Variants in MLLT1 observed in about 807,000 individuals in gnomAD.
MLLT1 encodes the protein protein ENL.
In MLLT1, 11 loss-of-function variants were observed where a neutral mutation model predicts 55.1. The ratio of observed to expected loss-of-function variants is 0.20; its 90% CI spans 0.13 to 0.33. MLLT1 has a LOEUF of 0.33. Ranked by LOEUF, MLLT1 falls within the 10% of genes least tolerant of loss-of-function variation. The pLI, the probability that MLLT1 is intolerant of heterozygous loss-of-function variation, is 1.00. For missense variants in MLLT1, 536 were observed against 760.6 expected, an observed-to-expected ratio of 0.70 and a Z score of 3.47; for synonymous variants, 323 against 320.1, an observed-to-expected ratio of 1.01 and a Z score of -0.10.
chr19:6,265,426 T>G (rs1009733789), intron 2 of MLLT1, among the ~76,000 whole-genome samples: 22 of 152,076 alleles, frequency 1.4e-4, no homozygotes, highest in African/African-American at 5.3e-4. Context: ...ATCCCAGTAC[T>G]TTGGGAGGCT....
chr19:6,239,431 AG>A (rs2091094421), intron 3 of MLLT1, among the ~76,000 whole-genome samples: 1 of 152,210 alleles, frequency 6.6e-6, no homozygotes. Context: ...CACAAATGCC[AG>A]GGAACACGAC....
rs1013250698 is a variant in MLLT1, at chr19:6,227,347, C to T, written c.421-245G>A. On this transcript the variant is annotated intron_variant, in intron 4 of 11. Coordinates refer to ENST00000252674, the MANE Select transcript of MLLT1 (RefSeq NM_005934.4). This position sits in a 1 kb window ranked among gnomAD's most constrained non-coding sequence, Gnocchi z 5.1. ...GGATGGCTGGGACCAGGTGGGGCCA[C>T]GCGGCCTTCCGGGAACAGTGGACCG... is the stretch of plus-strand genomic sequence containing the variant. Among the ~76,000 whole-genome samples, 4 of 152,180 alleles carry T rather than the reference C, an allele frequency of 2.6e-5. No individual in the cohort carries two copies. The highest frequency in any genetic ancestry group is 9.7e-5 in the African/African-American group (4 of 41,444).
chr19:6,278,137 G>A (rs967072352), intron 1 of MLLT1, among the ~76,000 whole-genome samples: 2 of 152,182 alleles, frequency 1.3e-5, no homozygotes, highest in African/African-American at 4.8e-5. Context: ...AGCCAGGGAC[G>A]CCCCAACCTG....
intron 1 of MLLT1, among the ~76,000 whole-genome samples, chr19:6,271,745 C>T (rs1299855117): frequency 1.3e-5 from 2 of 152,358 alleles, no homozygotes; most frequent in Middle Eastern, 3.4e-3. Context: ...AGCAGCCAAG[C>T]GCACACTTGC....
chr19:6,270,714 G>A lies in MLLT1; in HGVS notation c.58C>T (p.Arg20Cys). ...RLELGHRAQL[R>C]KKPTTEGFTH... is the part of the protein sequence containing the mutation. ...AACCCCTCCGTGGTGGGCTTCTTGC[G>A]CAGTTGGGCGCGATGCCCCAGCTCT... Residue 20 changes from arginine to cysteine, a missense_variant, in exon 2 of 12, where the codon CGC becomes TGC. Arg to Cys is a radical substitution (Grantham distance 180). Transcript: ENST00000252674. This position sits in a 1 kb window ranked among gnomAD's most constrained non-coding sequence, Gnocchi z 7.1. 2.5e-6 allele frequency: 4 copies of A among 1,613,804 alleles called. No individual in the cohort carries two copies. Among genetic ancestry groups the A allele is most frequent in the South Asian group, 1.1e-5 (1 of 91,058 alleles).
chr19:6,229,449 C>G lies in MLLT1; in HGVS notation c.420+1121G>C, dbSNP rs1183651168. On this transcript the variant is annotated intron_variant, in intron 4 of 11. Coordinates refer to ENST00000252674, the MANE Select transcript of MLLT1 (RefSeq NM_005934.4). This position sits in a 1 kb window ranked among gnomAD's most constrained non-coding sequence, Gnocchi z 5.2. ...GAAGGAGGACTCCCCAGCCTGACAC[C>G]CACAGCCACGGTGCCCCAAATCCAC... Among the ~76,000 whole-genome samples the G allele has an allele frequency of 6.6e-6, 1 of 152,018 alleles. No individual in the cohort carries two copies. The highest frequency in any genetic ancestry group is 1.5e-5 in the Non-Finnish European group (1 of 67,976).
Position 6,231,455 on chromosome 19 carries a change from T to G in MLLT1, c.277-742A>C, listed in dbSNP as rs994757460. Among the ~76,000 whole-genome samples the G allele has an allele frequency of 6.6e-6, 1 of 151,876 alleles. No individual in the cohort carries two copies. Among genetic ancestry groups the G allele is most frequent in the Non-Finnish European group, 1.5e-5 (1 of 67,990 alleles). On this transcript the variant is annotated intron_variant, in intron 3 of 11. Coordinates refer to ENST00000252674, the MANE Select transcript of MLLT1 (RefSeq NM_005934.4). This position sits in a 1 kb window ranked among gnomAD's most constrained non-coding sequence, Gnocchi z 5.1. The stretch of plus-strand genomic sequence containing the variant: ...AAGGAGCTGTCTGCACGGGCTCCTG[T>G]GGAGGCCTAGCCACATGTGCAGGGG...
Position 6,262,391 on chromosome 19 carries a change from C to G in MLLT1, c.194-81G>C. 1.7e-6 allele frequency: 2 copies of G among 1,193,926 alleles called. No individual in the cohort carries two copies. The highest frequency in any genetic ancestry group is 1.3e-5 in the South Asian group (1 of 79,508). The allele number at this position is 1,193,926 out of a possible 1,614,324, so 74.0% of individuals were successfully genotyped here. A position where few individuals can be genotyped will look rare whatever the true frequency, so the allele number is the denominator to read the frequency against. ...CTGCCAGCGGCAGTACCGCACCCCT[C>G]AACCCCACCACCTCCTCACAGGGGC... On this transcript the variant is annotated intron_variant, in intron 2 of 11. Coordinates refer to ENST00000252674, the MANE Select transcript of MLLT1 (RefSeq NM_005934.4). The surrounding 1 kb of genome is among the most constrained non-coding windows in gnomAD (Gnocchi z 4.4).
intron 5 of MLLT1, among the ~76,000 whole-genome samples, chr19:6,223,857 C>A (rs1430600077): frequency 6.6e-6 from 1 of 152,186 alleles, no homozygotes; most frequent in African/African-American, 2.4e-5. Context: ...AGGGGCTCCA[C>A]CCTTGCTAGG....
Position 6,262,589 on chromosome 19 carries a change from C to T in MLLT1, c.194-279G>A, listed in dbSNP as rs1180393964. 6.6e-6 allele frequency among the ~76,000 whole-genome samples: 1 copy of T among 152,202 alleles called. No homozygotes were observed. The highest frequency in any genetic ancestry group is 1.5e-5 in the Non-Finnish European group (1 of 68,026). On this transcript the variant is annotated intron_variant, in intron 2 of 11. Coordinates refer to ENST00000252674, the MANE Select transcript of MLLT1 (RefSeq NM_005934.4). The surrounding 1 kb of genome is among the most constrained non-coding windows in gnomAD (Gnocchi z 4.4). ...GGAACGTTAGCCTGTCATCGGGATA[C>T]TTGCTCCTGCAGAGGATGAGGAGGC...
chr19:6,260,576 G>A (rs1420922771), intron 3 of MLLT1, among the ~76,000 whole-genome samples: 1 of 152,274 alleles, frequency 6.6e-6, no homozygotes, highest in Non-Finnish European at 1.5e-5. Flanking sequence ...GCGGAGCCAG[G>A]CAGCAGCCGG....
rs111371892 is a variant in MLLT1 at position 6,264,398 on chromosome 19, C to T, written c.194-2088G>A. 2.5e-3 allele frequency among the ~76,000 whole-genome samples: 379 copies of T among 152,154 alleles called. 2 individuals carry two copies. The highest frequency in any genetic ancestry group is 8.7e-3 in the African/African-American group (363 of 41,486). ...TTACTCATTAGGAAATCAGGAGGCCCGTGAGCCTTCAGGCCTGTGGATAGG... is the reference window on the plus strand; with the variant it reads ...TTACTCATTAGGAAATCAGGAGGCCTGTGAGCCTTCAGGCCTGTGGATAGG... On this transcript the variant is annotated intron_variant, in intron 2 of 11. Coordinates refer to ENST00000252674, the MANE Select transcript of MLLT1 (RefSeq NM_005934.4).
At chr19:6,220,598 G>A (rs73555966) in intron 6 of MLLT1, among the ~76,000 whole-genome samples, 2,130 of 152,366 alleles carry the variant, frequency 0.014, 61 homozygotes, top group African/African-American at 0.046. Context: ...GGGCCAGGCC[G>A]GGTGAGCAGA....
At chr19:6,258,779 G>A (rs570528793) in intron 3 of MLLT1, among the ~76,000 whole-genome samples, 52 of 152,248 alleles carry the variant, frequency 3.4e-4, no homozygotes, top group Non-Finnish European at 6.0e-4. Flanking sequence ...CACACTCGCC[G>A]GCGAAGCCAA....
intron 3 of MLLT1, among the ~76,000 whole-genome samples, chr19:6,249,185 A>C (rs1477290184): frequency 6.6e-6 from 1 of 152,206 alleles, no homozygotes; most frequent in Non-Finnish European, 1.5e-5. Context: ...AATACTTAAA[A>C]AATATTGATT....
intron 3 of MLLT1, among the ~76,000 whole-genome samples, chr19:6,261,837 C>T (rs906498019): frequency 1.2e-4 from 18 of 152,154 alleles, no homozygotes; most frequent in African/African-American, 3.6e-4. Flanking sequence ...GCATCGTAAT[C>T]GGACTGTAAT....
In MLLT1 at chr19:6,230,556, C is replaced by T. The variant is rs1398330552; in HGVS notation, c.420+14G>A. The T allele has an allele frequency of 3.7e-6, 6 of 1,611,588 alleles. No individual in the cohort carries two copies. The highest frequency in any genetic ancestry group is 4.2e-6 in the Non-Finnish European group (5 of 1,179,528). On this transcript the variant is annotated intron_variant, in intron 4 of 11. Transcript: ENST00000252674. This position sits in a 1 kb window ranked among gnomAD's most constrained non-coding sequence, Gnocchi z 9.0. Reference sequence around the variant, plus strand: ...GGAGCGGCCCCTTGGCGGGCAGGGGCGGGGCACACTCACCCCGCCGGCCCG... The same window carrying T: ...GGAGCGGCCCCTTGGCGGGCAGGGGTGGGGCACACTCACCCCGCCGGCCCG...
chr19:6,265,610 C>T lies in MLLT1; in HGVS notation c.194-3300G>A, dbSNP rs551795628. Among the ~76,000 whole-genome samples, 4 of 152,126 alleles carry T rather than the reference C, an allele frequency of 2.6e-5. No individual in the cohort carries two copies. The South Asian group carries it at 8.3e-4, about 32-fold the overall frequency. ...GCTTGAACCTGGGAGGCGGAGGTTG[C>T]AGTGAGCCAAGATCGCGCCATTGCA... On this transcript the variant is annotated intron_variant, in intron 2 of 11. Transcript: ENST00000252674.
At chr19:6,237,276 C>G (rs559165522) in intron 3 of MLLT1, among the ~76,000 whole-genome samples, 1 of 152,314 alleles carries the variant, frequency 6.6e-6, no homozygotes, top group Admixed American at 6.5e-5. Context: ...CACACCCCAC[C>G]TGGAGGACAC....
Sources: gnomAD v4.1 joint callset for allele counts (sites outside exome capture counted in the v4.1 genomes callset) on GRCh38, gnomAD v4.1.1 for gene constraint, Gnocchi (gnomAD v3.1) non-coding constraint, MANE v1.5 for transcripts, NCBI Gene and HGNC (gene_info 2026-07-23, HGNC 2026-07-21) for gene names.